Variants in ARHGEF3 observed in about 807,000 individuals in gnomAD.
ARHGEF3 encodes the protein 59.8 kDA protein.
A neutral mutation model predicts 63.2 loss-of-function variants in ARHGEF3; 28 were observed. That is an observed-to-expected ratio of 0.44 (90% CI 0.33 to 0.61). The LOEUF (loss-of-function observed/expected upper bound fraction) is 0.61. Ranked by LOEUF, ARHGEF3 falls within the 20% of genes least tolerant of loss-of-function variation. The pLI is 0.03. For synonymous variants in ARHGEF3, 266 were observed against 254.2 expected, an observed-to-expected ratio of 1.05 and a Z score of -0.44; for missense variants, 533 against 659.3, an observed-to-expected ratio of 0.81 and a Z score of 2.10.
chr3:56,869,162 A>AAG (rs1022813089), intron 4 of ARHGEF3, among the ~76,000 whole-genome samples: 18 of 148,808 alleles, frequency 1.2e-4, no homozygotes, highest in Non-Finnish European at 1.9e-4. Context: ...TGAGGAGTTA[A>AAG]AAAAAAAAAA....
chr3:56,854,817 G>A (rs67274221), intron 4 of ARHGEF3, among the ~76,000 whole-genome samples: 53,335 of 151,220 alleles, frequency 0.35, 10,917 homozygotes, highest in Non-Finnish European at 0.45. Flanking sequence ...GTTTAGGGGA[G>A]AACTTCAAAA....
chr3:56,872,272 C>T lies in ARHGEF3; in HGVS notation c.192+10020G>A, dbSNP rs142753096. ...TCCTCATCCCCACAATTCCATTCTC[C>T]CAATCTAAGGACTATCCACAATACA... On this transcript the variant is annotated intron_variant, in intron 4 of 12. Coordinates refer to the ARHGEF3 transcript ENST00000338458. Among the ~76,000 whole-genome samples, 45 of 152,248 alleles carry T rather than the reference C, an allele frequency of 3.0e-4. No homozygotes were observed. In the East Asian group the frequency reaches 8.1e-3, roughly 27 times the overall value.
chr3:56,891,362 T>C (rs2041114801), intron 3 of ARHGEF3, among the ~76,000 whole-genome samples: 1 of 151,362 alleles, frequency 6.6e-6, no homozygotes, highest in Non-Finnish European at 1.5e-5. Flanking sequence ...TTTTTCCTTT[T>C]CCTTATTTTT....
intron 4 of ARHGEF3, among the ~76,000 whole-genome samples, chr3:56,847,637 G>C (rs1351115467): frequency 6.6e-6 from 1 of 152,162 alleles, no homozygotes; most frequent in East Asian, 1.9e-4. Flanking sequence ...GAGTGCAGTG[G>C]CGTGGTCTCG....
At chr3:56,923,129 G>A (rs1248417077) in intron 3 of ARHGEF3, among the ~76,000 whole-genome samples, 1 of 147,982 alleles carries the variant, frequency 6.8e-6, no homozygotes, top group Non-Finnish European at 1.5e-5. Flanking sequence ...TCGGGAAGCT[G>A]GGACAGGAGA....
chr3:56,745,518 C>A, intron 6 of ARHGEF3, 56 bp from the exon 7 acceptor site: 1 of 1,580,250 alleles, frequency 6.3e-7, no homozygotes. Flanking sequence ...AGCTCTGAGG[C>A]TACGGTGGCA....
intron 2 of ARHGEF3, among the ~76,000 whole-genome samples, chr3:56,763,216 A>G (rs2107800811): frequency 6.6e-6 from 1 of 152,282 alleles, no homozygotes; most frequent in South Asian, 2.1e-4. Context: ...TGAGGATTGG[A>G]TAAGATAAAG....
At chr3:56,994,402 T>A (rs186720327) in intron 2 of ARHGEF3, among the ~76,000 whole-genome samples, 5 of 152,318 alleles carry the variant, frequency 3.3e-5, no homozygotes, top group African/African-American at 9.6e-5. Flanking sequence ...CATTAAAATA[T>A]AACTTACGGA....
At chr3:56,895,445 C>T (rs1025700512) in intron 3 of ARHGEF3, among the ~76,000 whole-genome samples, 2 of 148,954 alleles carry the variant, frequency 1.3e-5, no homozygotes, top group East Asian at 3.9e-4. Context: ...ATATTCAGGT[C>T]CATTGTTCTT....
intron 4 of ARHGEF3, among the ~76,000 whole-genome samples, chr3:56,823,340 T>C (rs538835578): frequency 6.6e-6 from 1 of 152,350 alleles, no homozygotes; most frequent in South Asian, 2.1e-4. Context: ...GTTATTAGCA[T>C]GACTGAAAAA....
chr3:56,769,284 C>T lies in ARHGEF3; in HGVS notation c.204+4425G>A, dbSNP rs535208640. ...GGCTCAGGGAGCGACTGGCCAAAGG[C>T]GAGCTCGCCTTCCTCACTCCACACC... On this transcript the variant is annotated intron_variant, in intron 2 of 9. Transcript: ENST00000296315. 7.2e-5 allele frequency among the ~76,000 whole-genome samples: 11 copies of T among 152,292 alleles called. No individual in the cohort carries two copies. The East Asian group carries it at 1.9e-3, about 27-fold the overall frequency.
At chr3:56,916,699 C>A (rs978134041) in intron 3 of ARHGEF3, among the ~76,000 whole-genome samples, 25 of 152,300 alleles carry the variant, frequency 1.6e-4, no homozygotes, top group Admixed American at 1.6e-3. Context: ...TCGGCTGCAG[C>A]GGCTGTGCTG....
chr3:56,753,659 T>C (rs1420712988), intron 3 of ARHGEF3, 93 bp from the exon 4 acceptor site: 3 of 1,067,136 alleles, frequency 2.8e-6, no homozygotes, highest in Non-Finnish European at 4.2e-6. Flanking sequence ...AAACCCCAAA[T>C]TTACATATTT....
intron 4 of ARHGEF3, among the ~76,000 whole-genome samples, chr3:56,821,606 A>T (rs1325894606): frequency 6.6e-6 from 1 of 152,186 alleles, no homozygotes; most frequent in Non-Finnish European, 1.5e-5. Flanking sequence ...AGATGTCAAT[A>T]CCTACCAAGA....
chr3:56,849,976 C>G (rs971194890), intron 4 of ARHGEF3, among the ~76,000 whole-genome samples: 2 of 152,152 alleles, frequency 1.3e-5, no homozygotes, highest in African/African-American at 4.8e-5. Context: ...AATTTTTGTT[C>G]AAGATCCAAA....
At chr3:57,058,409 G>A (rs1454628151) in intron 1 of ARHGEF3, among the ~76,000 whole-genome samples, 1 of 152,034 alleles carries the variant, frequency 6.6e-6, no homozygotes, top group Non-Finnish European at 1.5e-5. Flanking sequence ...GTACCCAATG[G>A]GTTTGTTTCA....
At chr3:56,806,910 A>G (rs1296505631), upstream of ARHGEF3, among the ~76,000 whole-genome samples, 1 of 151,300 alleles carries the variant, frequency 6.6e-6, no homozygotes, top group Non-Finnish European at 1.5e-5. Flanking sequence ...TTTGAGACAC[A>G]GTCTTGCTCT....
intron 4 of ARHGEF3, among the ~76,000 whole-genome samples, chr3:56,829,030 G>A (rs186083338): frequency 1.3e-5 from 2 of 152,240 alleles, no homozygotes; most frequent in East Asian, 1.9e-4. Context: ...GGGTTCAAGC[G>A]ATTCTCCTGC....
chr3:56,833,948 G>A lies in ARHGEF3; in HGVS notation c.192+48344C>T, dbSNP rs903221136. On this transcript the variant is annotated intron_variant, in intron 4 of 12. Coordinates refer to the ARHGEF3 transcript ENST00000338458. ...CCCCAATTTTTACTCTTGTCACCCA[G>A]GTTGGAGTGCAATGGTGTGATCTCG... is the stretch of plus-strand genomic sequence containing the variant. 2.7e-5 allele frequency among the ~76,000 whole-genome samples: 4 copies of A among 147,652 alleles called. No homozygotes were observed. In the South Asian group the frequency reaches 8.6e-4, roughly 32 times the overall value.
Sources: gnomAD v4.1 joint callset for allele counts (sites outside exome capture counted in the v4.1 genomes callset) on GRCh38, gnomAD v4.1.1 for gene constraint, MANE v1.5 for transcripts, NCBI Gene and HGNC (gene_info 2026-07-23, HGNC 2026-07-21) for gene names.